PLEKHA6: variants seen among roughly 807,000 people sequenced by gnomAD.
PLEKHA6 encodes the protein pleckstrin homology domain-containing family A member 6.
A neutral mutation model predicts 116.7 loss-of-function variants in PLEKHA6; 60 were observed. The ratio of observed to expected loss-of-function variants is 0.51; its 90% CI spans 0.42 to 0.64. PLEKHA6 has a LOEUF of 0.64. Among genes scored for constraint, PLEKHA6 ranks in the 30% least tolerant of loss-of-function variants. PLEKHA6 has a pLI of 0.00. For synonymous variants in PLEKHA6, 489 were observed against 556.1 expected (o/e 0.88, Z 1.70); for missense variants, 1,338 against 1,422.7 (o/e 0.94, Z 0.96).
At chr1:204,262,015 T>C (rs1666185184) in intron 6 of PLEKHA6, 1 of 155,752 alleles carries the variant, frequency 6.4e-6, no homozygotes, top group Non-Finnish European at 1.4e-5. Flanking sequence ...AGAGCTCCTG[T>C]CCAGAGGAGG....
Position 204,241,459 on chromosome 1 carries a change from T to G in PLEKHA6, c.2325A>C (p.Thr775=). 1 of 1,607,324 alleles carries G rather than the reference T, an allele frequency of 6.2e-7. No individual in the cohort carries two copies. Among genetic ancestry groups the G allele is most frequent in the Non-Finnish European group, 8.5e-7 (1 of 1,176,718 alleles). ...LNKVGVVPPR[T]KSPTDDEVTP... ...TCACCTCATCATCAGTGGGCGATTT[T>G]GTCCGAGGGGGCACAACGCCAACTG... The change falls in exon 17 of 23, where the codon ACA becomes ACC. Residue 775 remains threonine, a synonymous_variant. Coordinates refer to ENST00000272203, the MANE Select transcript of PLEKHA6 (RefSeq NM_014935.5).
intron 1 of PLEKHA6, among the ~76,000 whole-genome samples, chr1:204,345,910 A>G (rs1673025708): frequency 6.6e-6 from 1 of 152,254 alleles, no homozygotes; most frequent in Non-Finnish European, 1.5e-5. Flanking sequence ...AACACACACA[A>G]GAAAAGTGAC....
chr1:204,297,227 A>T (rs1008200512), intron 1 of PLEKHA6: 1 of 980,140 alleles, frequency 1.0e-6, no homozygotes, highest in Non-Finnish European at 1.2e-6. Flanking sequence ...ACTCCTAAAC[A>T]CTACCTTCTG....
chr1:204,278,219 C>T (rs187260402), intron 1 of PLEKHA6, among the ~76,000 whole-genome samples: 5 of 152,338 alleles, frequency 3.3e-5, no homozygotes, highest in Non-Finnish European at 7.3e-5. Context: ...CCCCCTGCTT[C>T]TAGGCAAGCC....
At chr1:204,263,651 GC>G (rs1571958574) in intron 6 of PLEKHA6, among the ~76,000 whole-genome samples, 1 of 152,192 alleles carries the variant, frequency 6.6e-6, no homozygotes, top group East Asian at 1.9e-4. Flanking sequence ...TTTATCTCAC[GC>G]CTGCTGCTGG....
At chr1:204,282,694 C>A in intron 1 of PLEKHA6, 1 of 985,434 alleles carries the variant, frequency 1.0e-6, no homozygotes, top group Non-Finnish European at 1.2e-6. Flanking sequence ...CACCCAGAAG[C>A]TGCCATGGGC....
intron 1 of PLEKHA6, chr1:204,359,474 G>T (rs1365552600): frequency 2.9e-5 from 8 of 276,860 alleles, no homozygotes; most frequent in Non-Finnish European, 4.4e-5. Context: ...CCTGACAGGG[G>T]ACTCTGGAGG....
intron 2 of PLEKHA6, chr1:204,369,236 G>A (rs906296818): frequency 6.6e-6 from 1 of 152,154 alleles, no homozygotes; most frequent in African/African-American, 2.4e-5. Context: ...TTATACAATA[G>A]GTGTCCTCCG....
intron 1 of PLEKHA6, among the ~76,000 whole-genome samples, chr1:204,331,030 A>T (rs1672428652): frequency 6.6e-6 from 1 of 151,992 alleles, no homozygotes; most frequent in South Asian, 2.1e-4. Flanking sequence ...CCCCATCTCC[A>T]CTAAAAATAC....
At chr1:204,351,197 G>T (rs1458879517) in intron 1 of PLEKHA6, among the ~76,000 whole-genome samples, 1 of 152,128 alleles carries the variant, frequency 6.6e-6, no homozygotes, top group Non-Finnish European at 1.5e-5. Context: ...GGGGAGTGGG[G>T]TGTGGCGGGG....
Position 204,257,367 on chromosome 1 carries a change from T to C in PLEKHA6, c.1510A>G (p.Ile504Val). The change falls in exon 9 of 23, where the codon ATC (isoleucine) becomes GTC (valine). Residue 504 changes from isoleucine (I) to valine (V), a missense_variant. Around this residue, in one of 3 missense-constraint regions of PLEKHA6, gnomAD observed 1,136 missense variants for 1,163.6 expected, o/e 0.98. Coordinates refer to ENST00000272203, the MANE Select transcript of PLEKHA6 (RefSeq NM_014935.5). This position sits in a 1 kb window ranked among gnomAD's most constrained non-coding sequence, Gnocchi z 6.5. ...DPAAYVMRRSISSPKVPPYPE... is the reference protein window; with the variant it reads ...DPAAYVMRRSVSSPKVPPYPE... Reference sequence around the variant, plus strand: ...TGGTGGCTCACCTTGGGGGAGCTGATGGATCGCCTCATCACATAGGCAGCA... The same window carrying C: ...TGGTGGCTCACCTTGGGGGAGCTGACGGATCGCCTCATCACATAGGCAGCA... The C allele has an allele frequency of 1.3e-6, 2 of 1,562,296 alleles. No individual in the cohort carries two copies. Among genetic ancestry groups the C allele is most frequent in the South Asian group, 1.2e-5 (1 of 84,716 alleles).
intron 13 of PLEKHA6, among the ~76,000 whole-genome samples, chr1:204,247,022 G>C (rs763496021): frequency 1.3e-5 from 2 of 152,174 alleles, no homozygotes; most frequent in African/African-American, 4.8e-5. Flanking sequence ...TGTGGTCCCA[G>C]CTACTCAGGA....
chr1:204,317,955 C>T (rs1671921091), intron 1 of PLEKHA6, among the ~76,000 whole-genome samples: 1 of 152,184 alleles, frequency 6.6e-6, no homozygotes, highest in Non-Finnish European at 1.5e-5. Context: ...ATTCATGGAG[C>T]ATTTGGAAAA....
chr1:204,329,689 G>C (rs1672377961), intron 1 of PLEKHA6, among the ~76,000 whole-genome samples: 1 of 152,124 alleles, frequency 6.6e-6, no homozygotes, highest in Non-Finnish European at 1.5e-5. Flanking sequence ...GAACTACAGG[G>C]ACAGCATAAC....
At chr1:204,256,246 T>C (rs112381099) in intron 9 of PLEKHA6, among the ~76,000 whole-genome samples, 6 of 152,060 alleles carry the variant, frequency 3.9e-5, no homozygotes, top group Non-Finnish European at 7.4e-5. Flanking sequence ...CCCTCCCAAG[T>C]GGAGCATCTT....
At chr1:204,266,590 T>A (rs1008886472) in intron 5 of PLEKHA6, among the ~76,000 whole-genome samples, 1 of 152,202 alleles carries the variant, frequency 6.6e-6, no homozygotes, top group African/African-American at 2.4e-5. Flanking sequence ...CCTTCCTGAT[T>A]TCCCTCCTTG....
At chr1:204,270,370 G>A (rs1667321678) in intron 3 of PLEKHA6, among the ~76,000 whole-genome samples, 1 of 152,134 alleles carries the variant, frequency 6.6e-6, no homozygotes. Flanking sequence ...CTATAGCCAA[G>A]ACCTGTCTTC....
At chr1:204,358,761 G>A (rs1673485103) in intron 1 of PLEKHA6, among the ~76,000 whole-genome samples, 1 of 151,770 alleles carries the variant, frequency 6.6e-6, no homozygotes, top group Admixed American at 6.6e-5. Context: ...CCACCCCTGT[G>A]CCCCGGGGAT....
intron 1 of PLEKHA6, among the ~76,000 whole-genome samples, chr1:204,285,708 A>G (rs1669095534): frequency 6.6e-6 from 1 of 152,108 alleles, no homozygotes; most frequent in African/African-American, 2.4e-5. Context: ...TTTAAATCAC[A>G]TGCATTAAGA....
Sources: gnomAD v4.1 joint callset for allele counts (sites outside exome capture counted in the v4.1 genomes callset) on GRCh38, gnomAD v4.1.1 for gene constraint, gnomAD v4.1.1 regional missense constraint, Gnocchi (gnomAD v3.1) non-coding constraint, MANE v1.5 for transcripts, NCBI Gene and HGNC (gene_info 2026-07-23, HGNC 2026-07-21) for gene names.